SACS: variants seen among roughly 807,000 people sequenced by gnomAD.
The protein encoded by SACS is sacsin.
A neutral mutation model predicts 348.0 loss-of-function variants in SACS; 197 were observed. The observed-to-expected ratio is 0.57, with a 90% CI of 0.50 to 0.64. The LOEUF (loss-of-function observed/expected upper bound fraction) is 0.64. Ranked by LOEUF, SACS falls within the 30% of genes least tolerant of loss-of-function variation. SACS has a pLI of 0.00. For missense variants in SACS, 4,999 were observed against 5,360.8 expected, an observed-to-expected ratio of 0.93 and a Z score of 2.11; for synonymous variants, 1,985 against 1,910.6, an observed-to-expected ratio of 1.04 and a Z score of -1.02.
rs890479706 is a variant in SACS, at chr13:23,329,383, ATGT to A, written c.*750_*752del. ...AAGCAAGTGTTCTAACAGTTAATAA[ATGT>A]TGTCTTGGCAAGCAGTTTCCAGAAA... On this transcript the variant is annotated 3_prime_UTR_variant, in exon 10 of 10. Transcript: ENST00000382292. The A allele has an allele frequency of 1.6e-5, 12 of 743,652 alleles. No homozygotes were observed. The highest frequency in any genetic ancestry group is 2.4e-4 in the Middle Eastern group (1 of 4,250). The allele number at this position is 743,652 out of a possible 1,614,324, so 46.1% of individuals were successfully genotyped here. A position where few individuals can be genotyped will look rare whatever the true frequency, so the allele number is the denominator to read the frequency against.
intron 9 of SACS, among the ~76,000 whole-genome samples, chr13:23,353,142 A>G (rs926509627): frequency 1.3e-5 from 2 of 152,188 alleles, no homozygotes; most frequent in Admixed American, 6.5e-5. Flanking sequence ...AACCATGTTG[A>G]CTGTTTTCCC....
chr13:23,375,412 T>C, intron 2 of SACS, 143 bp from the exon 3 acceptor site: 1 of 1,226,402 alleles, frequency 8.2e-7, no homozygotes, highest in Non-Finnish European at 1.0e-6. Context: ...CGGCGCCCGA[T>C]CACGGCCGGC....
intron 9 of SACS, among the ~76,000 whole-genome samples, chr13:23,347,846 GA>G (rs1487822253): frequency 6.6e-6 from 1 of 152,048 alleles, no homozygotes; most frequent in Non-Finnish European, 1.5e-5. Context: ...CTCCAAACAG[GA>G]AAAAGCATGG....
intron 6 of SACS, among the ~76,000 whole-genome samples, chr13:23,360,346 C>T (rs985193490): frequency 2.7e-5 from 4 of 147,842 alleles, no homozygotes; most frequent in African/African-American, 1.0e-4. Context: ...TTCTAACAAG[C>T]AGTGTCTGGT....
intron 5 of SACS, among the ~76,000 whole-genome samples, chr13:23,365,927 T>C (rs1258365760): frequency 6.6e-6 from 1 of 152,164 alleles, no homozygotes; most frequent in African/African-American, 2.4e-5. Flanking sequence ...CCCCGTAATG[T>C]AGAAAGGAAA....
Position 23,329,150 on chromosome 13 carries a change from A to G in SACS, c.*986T>C, listed in dbSNP as rs1883312187. On this transcript the variant is annotated 3_prime_UTR_variant, in exon 10 of 10. Transcript: ENST00000382292. ...TTCTGATCATTCATGGGGAAATATAAGCCGATAATTATAAACTACTAGATA... is the reference window on the plus strand; with the variant it reads ...TTCTGATCATTCATGGGGAAATATAGGCCGATAATTATAAACTACTAGATA... 2.8e-6 allele frequency: 1 copy of G among 351,072 alleles called. No individual in the cohort carries two copies. The highest frequency in any genetic ancestry group is 5.0e-6 in the Non-Finnish European group (1 of 198,322). 21.7% of individuals were successfully genotyped at this position (351,072 alleles called of 1,614,324 possible).
At chr13:23,375,514 C>G (rs1871723429) in intron 2 of SACS, 1 of 1,113,886 alleles carries the variant, frequency 9.0e-7, no homozygotes, top group Non-Finnish European at 1.1e-6. Context: ...GGAGGAAACG[C>G]TAGAGGAAGC....
In SACS at chr13:23,333,456, G is replaced by A; in HGVS notation, c.10420C>T (p.Leu3474Phe). 6.2e-7 allele frequency: 1 copy of A among 1,612,014 alleles called. No homozygotes were observed. Among genetic ancestry groups the A allele is most frequent in the East Asian group, 2.2e-5 (1 of 44,848 alleles). Residue 3474 changes from leucine (L) to phenylalanine (F), a missense_variant, in exon 10 of 10, where the codon CTT (leucine) becomes TTT (phenylalanine). By Grantham distance (22) the Leu-to-Phe change is conservative. Coordinates refer to ENST00000382292, the MANE Select transcript of SACS (RefSeq NM_014363.6). ...AAGAGGTGTTTCAAATATACCTCAA[G>A]ATCATCTACAGGTACACAACCAATC... is the stretch of plus-strand genomic sequence containing the variant. ...EVIGCVPVDD[L>F]EVYLKHLLPK...
rs1343531920 is a variant in SACS at position 23,334,158 on chromosome 13, T to C, written c.9718A>G (p.Ser3240Gly). Reference sequence around the variant, plus strand: ...CATGCATTCTTAAGCCAAGACTCACTTGCAAAATTGTCTTTCCACTTTGTG... The same window carrying C: ...CATGCATTCTTAAGCCAAGACTCACCTGCAAAATTGTCTTTCCACTTTGTG... ...SCTKWKDNFA[S>G]ESWLKNAWHF... Residue 3240 changes from serine (S) to glycine (G), a missense_variant, in exon 10 of 10, where the codon AGT (serine) becomes GGT (glycine). By Grantham distance (56) the Ser-to-Gly change is moderately conservative. Transcript: ENST00000382292. 1.2e-6 allele frequency: 2 copies of C among 1,613,946 alleles called. No homozygotes were observed. Among genetic ancestry groups the C allele is most frequent in the Non-Finnish European group, 1.7e-6 (2 of 1,179,848 alleles).
In SACS at chr13:23,380,148, T is replaced by A. The variant is rs200473178; in HGVS notation, c.21-4879A>T. Reference sequence around the variant, plus strand: ...GTGTGTGTGTGTGTGTGTGTGTGTGTGAGAGAGAGAGAGAGAGAGAGAAAG... The same window carrying A: ...GTGTGTGTGTGTGTGTGTGTGTGTGAGAGAGAGAGAGAGAGAGAGAGAAAG... On this transcript the variant is annotated intron_variant, in intron 2 of 9. Transcript: ENST00000382292. Among the ~76,000 whole-genome samples, 432 of 147,764 alleles carry A rather than the reference T, an allele frequency of 2.9e-3. 3 individuals are homozygous for A. The highest frequency in any genetic ancestry group is 4.6e-3 in the Non-Finnish European group (305 of 66,312).
chr13:23,415,109 G>C (rs145824059), intron 1 of SACS, among the ~76,000 whole-genome samples: 2,395 of 152,130 alleles, frequency 0.016, 32 homozygotes, highest in Non-Finnish European at 0.022. Context: ...TTGGCTCACT[G>C]CAACTTCCGC....
rs761312445 is a variant in SACS at position 23,332,298 on chromosome 13, T to C, written c.11578A>G (p.Ile3860Val). The C allele has an allele frequency of 2.0e-5, 33 of 1,613,942 alleles. No homozygotes were observed. In the Admixed American group the frequency reaches 3.8e-4, roughly 19 times the overall value. ...TKQYVEVLSR[I>V]FKNSEGKQLD... ...TGTTTGCCCTCAGAATTTTTAAATATGCGGCTCAACACTTCAACATATTGC... is the reference window on the plus strand; with the variant it reads ...TGTTTGCCCTCAGAATTTTTAAATACGCGGCTCAACACTTCAACATATTGC... Residue 3860 changes from isoleucine to valine, a missense_variant, in exon 10 of 10, where the codon ATA (isoleucine) becomes GTA (valine). By Grantham distance (29) the Ile-to-Val change is conservative. This residue lies in a region of SACS where 831 missense variants were observed against 941.8 expected (regional missense o/e 0.88). Coordinates refer to ENST00000382292, the MANE Select transcript of SACS (RefSeq NM_014363.6).
At chr13:23,380,240 G>T (rs1384801426) in intron 2 of SACS, among the ~76,000 whole-genome samples, 3 of 151,948 alleles carry the variant, frequency 2.0e-5, no homozygotes, top group African/African-American at 7.3e-5. Flanking sequence ...GATGCTGACT[G>T]GGCAGCTGTC....
intron 6 of SACS, among the ~76,000 whole-genome samples, chr13:23,360,980 C>A (rs1203272862): frequency 6.6e-6 from 1 of 152,142 alleles, no homozygotes; most frequent in Non-Finnish European, 1.5e-5. Flanking sequence ...GTCTTGAACT[C>A]CTGACCTCAG....
chr13:23,384,776 G>A (rs1872204552), intron 2 of SACS, among the ~76,000 whole-genome samples: 1 of 151,824 alleles, frequency 6.6e-6, no homozygotes, highest in Admixed American at 6.6e-5. Context: ...TCATTTTTTG[G>A]GCCAAAATTT....
chr13:23,415,398 C>T (rs1873656283), intron 1 of SACS, among the ~76,000 whole-genome samples: 1 of 152,144 alleles, frequency 6.6e-6, no homozygotes, highest in Non-Finnish European at 1.5e-5. Context: ...ATTCCAAACA[C>T]TATTGTTCCT....
rs1018403111 is a variant in SACS at position 23,333,847 on chromosome 13, T to C, written c.10029A>G (p.Ala3343=). The change falls in exon 10 of 10, where the codon GCA becomes GCG. Residue 3343 remains alanine (A), a synonymous_variant. Coordinates refer to ENST00000382292, the MANE Select transcript of SACS (RefSeq NM_014363.6). The part of the protein sequence containing the change: ...ALNKICSKDS[A]FVPLLSCHTA... ...TGTGACATGACAACAAAGGAACAAA[T>C]GCACTGTCTTTGGAACAGATTTTGT... 1.9e-6 allele frequency: 3 copies of C among 1,613,874 alleles called. No homozygotes were observed. Among genetic ancestry groups the C allele is most frequent in the East Asian group, 2.2e-5 (1 of 44,872 alleles).
At chr13:23,425,905 T>C (rs1231300412) in intron 1 of SACS, among the ~76,000 whole-genome samples, 1 of 152,232 alleles carries the variant, frequency 6.6e-6, no homozygotes. Context: ...GGAATGATAC[T>C]GGTAGTAAAA....
chr13:23,335,137 TA>T lies in SACS; in HGVS notation c.8738del (p.Leu2913Ter). The part of the protein sequence containing the change: ...VGVRSDWNNS[L>X]MTALIAPAYV... ...ATGCAGGAGCTATTAATGCTGTCATTAAACTGTTATTCCAGTCACTTCGAAC... is the reference window on the plus strand; with the variant it reads ...ATGCAGGAGCTATTAATGCTGTCATTAACTGTTATTCCAGTCACTTCGAAC... On this transcript the variant is annotated frameshift_variant, in exon 10 of 10. Transcript: ENST00000382292. LOFTEE classifies it high-confidence loss of function. This position sits in a 1 kb window ranked among gnomAD's most constrained non-coding sequence, Gnocchi z 4.7. 6.2e-7 allele frequency: 1 copy of T among 1,613,938 alleles called. No homozygotes were observed. The highest frequency in any genetic ancestry group is 8.5e-7 in the Non-Finnish European group (1 of 1,179,866).
Sources: allele counts gnomAD v4.1 joint callset (sites outside exome capture counted in the v4.1 genomes callset), GRCh38; gene constraint gnomAD v4.1.1; regional missense constraint gnomAD v4.1.1; non-coding constraint Gnocchi (gnomAD v3.1); transcripts MANE v1.5; gene names NCBI Gene and HGNC (gene_info 2026-07-23, HGNC 2026-07-21).